EIF2B3: variants seen among roughly 807,000 people sequenced by gnomAD.
EIF2B3 encodes the protein translation initiation factor eIF2B subunit gamma.
In EIF2B3, 20 loss-of-function variants were observed where a neutral mutation model predicts 54.1. The ratio of observed to expected loss-of-function variants is 0.37; its 90% confidence interval spans 0.26 to 0.54. The LOEUF is 0.54. Ranked by LOEUF, EIF2B3 falls within the 20% of genes least tolerant of loss-of-function variation. The pLI is 0.86. For missense variants in EIF2B3, 448 were observed against 547.8 expected (o/e 0.82, Z 1.82); for synonymous variants, 153 against 188.1 (o/e 0.81, Z 1.52).
intron 5 of EIF2B3, among the ~76,000 whole-genome samples, chr1:44,910,631 CTTTTTTTTTTTTT>C (rs60757270): frequency 3.3e-5 from 2 of 61,426 alleles, no homozygotes; most frequent in Non-Finnish European, 6.2e-5. Flanking sequence ...CCAAGTAATG[CTTTTTTTTTTTTT>C]TTTTTTTTTT....
intron 5 of EIF2B3, among the ~76,000 whole-genome samples, chr1:44,901,321 G>A (rs1157831607): frequency 1.3e-5 from 2 of 151,990 alleles, no homozygotes; most frequent in East Asian, 3.9e-4. Flanking sequence ...TTGCCATGTT[G>A]GCCAGGCTGG....
intron 3 of EIF2B3, among the ~76,000 whole-genome samples, chr1:44,975,930 A>G (rs537333247): frequency 7.2e-4 from 110 of 152,210 alleles, no homozygotes; most frequent in African/African-American, 2.6e-3. Context: ...TGCGGTGAGG[A>G]GGTGCAGTGG....
At chr1:44,896,396 T>C (rs1021231586) in intron 6 of EIF2B3, among the ~76,000 whole-genome samples, 6 of 152,226 alleles carry the variant, frequency 3.9e-5, no homozygotes, top group African/African-American at 1.4e-4. Context: ...GGTAGGACAC[T>C]GCAAGAAAGA....
At chr1:44,952,437 A>C (rs1020476661) in intron 3 of EIF2B3, among the ~76,000 whole-genome samples, 1 of 152,042 alleles carries the variant, frequency 6.6e-6, no homozygotes. Flanking sequence ...ATCTTATTTC[A>C]ATAAGAAAAT....
intron 5 of EIF2B3, among the ~76,000 whole-genome samples, chr1:44,899,916 G>A (rs2148915899): frequency 1.3e-5 from 2 of 152,258 alleles, no homozygotes; most frequent in South Asian, 4.2e-4. Flanking sequence ...CAATAGCAAA[G>A]ACATGGATTC....
intron 6 of EIF2B3, among the ~76,000 whole-genome samples, chr1:44,883,216 G>C (rs1368287250): frequency 6.6e-6 from 1 of 151,926 alleles, no homozygotes; most frequent in Non-Finnish European, 1.5e-5. Context: ...AGGATTACAG[G>C]TGTGAGCCAC....
chr1:44,942,377 T>TTTTATATATA lies in EIF2B3; in HGVS notation c.295-713_295-712insTATATATAAA, dbSNP rs1318229963. Among the ~76,000 whole-genome samples the TTTTATATATA allele has an allele frequency of 4.6e-4, 10 of 21,598 alleles. 1 individual carries two copies. Among genetic ancestry groups the TTTTATATATA allele is most frequent in the African/African-American group, 3.0e-3 (10 of 3,376 alleles). 14.2% of individuals were successfully genotyped at this position (21,598 alleles called of 152,430 possible). Reference sequence around the variant, plus strand: ...TCTCTTATTGGTGGGCTTTCTGATTTTATATATATATATATATATATATAT... The same window carrying TTTTATATATA: ...TCTCTTATTGGTGGGCTTTCTGATTTTTTATATATATATATATATATATATATATATATAT... On this transcript the variant is annotated intron_variant, in intron 3 of 11. Transcript: ENST00000360403.
chr1:44,970,823 C>A (rs1226027854), intron 3 of EIF2B3, among the ~76,000 whole-genome samples: 2 of 152,168 alleles, frequency 1.3e-5, no homozygotes, highest in Non-Finnish European at 2.9e-5. Context: ...AGCCTTGTTG[C>A]CTTCTACTCC....
intron 6 of EIF2B3, among the ~76,000 whole-genome samples, chr1:44,891,778 T>C (rs1655805641): frequency 6.6e-6 from 1 of 152,186 alleles, no homozygotes; most frequent in South Asian, 2.1e-4. Flanking sequence ...TAAAGACAGT[T>C]ATATGTACTG....
intron 5 of EIF2B3, among the ~76,000 whole-genome samples, chr1:44,919,306 C>T (rs942346739): frequency 4.0e-5 from 6 of 150,506 alleles, no homozygotes; most frequent in South Asian, 2.1e-4. Context: ...GCTGAGATCA[C>T]GGCACTGCAC....
chr1:44,917,837 G>A (rs1162491316), intron 5 of EIF2B3, among the ~76,000 whole-genome samples: 4 of 122,522 alleles, frequency 3.3e-5, no homozygotes, highest in African/African-American at 1.2e-4. Context: ...TCAGTGGTGC[G>A]ATCTCGGCTC....
At chr1:44,983,577 G>A (rs1303193263) in intron 1 of EIF2B3, among the ~76,000 whole-genome samples, 6 of 152,178 alleles carry the variant, frequency 3.9e-5, no homozygotes, top group Middle Eastern at 3.2e-3. Context: ...GGACCCTTAA[G>A]AGTCAAAAGA....
chr1:44,945,315 G>A (rs370702103), intron 3 of EIF2B3, among the ~76,000 whole-genome samples: 24 of 151,932 alleles, frequency 1.6e-4, no homozygotes, highest in African/African-American at 2.2e-4. Flanking sequence ...AGCACTTTGG[G>A]AGGCCGAGGC....
At chr1:44,971,866 A>G (rs1372281146) in intron 3 of EIF2B3, among the ~76,000 whole-genome samples, 1 of 151,572 alleles carries the variant, frequency 6.6e-6, no homozygotes, top group Non-Finnish European at 1.5e-5. Flanking sequence ...CCCCGTCTCT[A>G]TACTAAAAAT....
At chr1:44,895,526 C>CTA (rs1462712141) in intron 6 of EIF2B3, among the ~76,000 whole-genome samples, 217 of 150,810 alleles carry the variant, frequency 1.4e-3, no homozygotes, top group African/African-American at 4.4e-3. Context: ...CTCTCTCTCT[C>CTA]TCTATATATA....
At chr1:44,968,372 G>GAA (rs35847625) in intron 3 of EIF2B3, among the ~76,000 whole-genome samples, 22,446 of 118,000 alleles carry the variant, frequency 0.19, 1,819 homozygotes, top group South Asian at 0.21. Context: ...TTAAAAAAAG[G>GAA]AAAAAAAAAA....
At position 44,895,532 on chromosome 1, in the gene EIF2B3, A is replaced by C. The variant is rs146255922; in HGVS notation, c.656+1823T>G. Among the ~76,000 whole-genome samples the C allele has an allele frequency of 6.3e-3, 954 of 151,580 alleles. 6 individuals are homozygous for C. The highest frequency in any genetic ancestry group is 0.016 in the African/African-American group (658 of 41,432). On this transcript the variant is annotated intron_variant, in intron 6 of 11. Transcript: ENST00000360403. Reference sequence around the variant, plus strand: ...AAAGCCTCTCTCTCTCTCTCTCTATATATATATATGTACATATACATAAAA... The same window carrying C: ...AAAGCCTCTCTCTCTCTCTCTCTATCTATATATATGTACATATACATAAAA...
At chr1:44,888,174 T>C (rs901394836) in intron 6 of EIF2B3, among the ~76,000 whole-genome samples, 2 of 152,208 alleles carry the variant, frequency 1.3e-5, no homozygotes, top group African/African-American at 2.4e-5. Flanking sequence ...CAGTTCAATA[T>C]TGGGTGCTAA....
At chr1:44,927,002 T>C (rs1643862070) in intron 4 of EIF2B3, among the ~76,000 whole-genome samples, 1 of 150,508 alleles carries the variant, frequency 6.6e-6, no homozygotes, top group South Asian at 2.1e-4. Context: ...GAGTGTGGTG[T>C]TACGCCCTGT....
Sources: allele counts gnomAD v4.1 joint callset (sites outside exome capture counted in the v4.1 genomes callset), GRCh38; gene constraint gnomAD v4.1.1; transcripts MANE v1.5; gene names NCBI Gene and HGNC (gene_info 2026-07-23, HGNC 2026-07-21).